Variants in KALRN observed in about 807,000 individuals in gnomAD.
KALRN encodes kalirin.
A neutral mutation model predicts 353.7 loss-of-function variants in KALRN; 70 were observed. That is an observed-to-expected ratio of 0.20 (90% CI 0.16 to 0.24). KALRN has a LOEUF of 0.24. Among genes scored for constraint, KALRN ranks in the 10% least tolerant of loss-of-function variants. The probability of loss-of-function intolerance (pLI) is 1.00; values close to 1 mark genes in which losing one functional copy is unlikely to be tolerated. For missense variants in KALRN, 2,791 were observed against 3,756.7 expected (o/e 0.74, Z 6.72); for synonymous variants, 1,391 against 1,434.8 (o/e 0.97, Z 0.69).
chr3:124,495,787 G>A (rs1354990716), intron 32 of KALRN, among the ~76,000 whole-genome samples: 1 of 143,376 alleles, frequency 7.0e-6, no homozygotes, highest in Admixed American at 7.0e-5. Flanking sequence ...TTTCTTTATA[G>A]GCCAGCTGTA....
chr3:124,568,764 C>G (rs1055995866), intron 34 of KALRN, among the ~76,000 whole-genome samples: 7 of 152,124 alleles, frequency 4.6e-5, no homozygotes, highest in African/African-American at 1.7e-4. Context: ...CTATATGATT[C>G]CATTTAAATG....
chr3:124,073,730 C>T (rs1383607966), intron 1 of KALRN, among the ~76,000 whole-genome samples: 1 of 152,170 alleles, frequency 6.6e-6, no homozygotes, highest in African/African-American at 2.4e-5. Flanking sequence ...TAGATAAACA[C>T]TATTTTACCT....
At chr3:124,242,172 A>G (rs947297489) in intron 3 of KALRN, among the ~76,000 whole-genome samples, 1 of 152,234 alleles carries the variant, frequency 6.6e-6, no homozygotes, top group Non-Finnish European at 1.5e-5. Context: ...GAAATGGAAG[A>G]GAAGGCTAGG....
intron 1 of KALRN, among the ~76,000 whole-genome samples, chr3:124,154,934 C>G (rs2068750982): frequency 6.6e-6 from 1 of 152,114 alleles, no homozygotes; most frequent in African/African-American, 2.4e-5. Flanking sequence ...TGGAACAGAA[C>G]AGACGTCAGA....
intron 15 of KALRN, among the ~76,000 whole-genome samples, chr3:124,428,743 G>T (rs1393469926): frequency 6.6e-6 from 1 of 152,178 alleles, no homozygotes; most frequent in East Asian, 1.9e-4. Context: ...TTAAAAAGTA[G>T]GTACTGAAAC....
chr3:124,363,296 T>C (rs1213380402), intron 10 of KALRN, among the ~76,000 whole-genome samples: 1 of 151,870 alleles, frequency 6.6e-6, no homozygotes, highest in Non-Finnish European at 1.5e-5. Context: ...AAAATGGGAG[T>C]TGCAGATTCT....
At chr3:124,695,367 G>A (rs1327330923) in intron 53 of KALRN, among the ~76,000 whole-genome samples, 1 of 152,174 alleles carries the variant, frequency 6.6e-6, no homozygotes, top group African/African-American at 2.4e-5. Flanking sequence ...TTCATTCATT[G>A]ACTTAATTTG....
At chr3:124,361,370 T>G (rs1338749192) in intron 10 of KALRN, among the ~76,000 whole-genome samples, 1 of 152,262 alleles carries the variant, frequency 6.6e-6, no homozygotes, top group Non-Finnish European at 1.5e-5. Context: ...TAACAGTTGC[T>G]AATACTTTCT....
intron 16 of KALRN, among the ~76,000 whole-genome samples, chr3:124,433,936 A>G (rs1418489263): frequency 6.6e-6 from 1 of 152,138 alleles, no homozygotes; most frequent in African/African-American, 2.4e-5. Flanking sequence ...TCCTTCGAAA[A>G]CTCAATGTAC....
intron 3 of KALRN, among the ~76,000 whole-genome samples, chr3:124,246,480 G>GTGTT (rs2148703079): frequency 6.6e-6 from 1 of 152,236 alleles, no homozygotes; most frequent in East Asian, 1.9e-4. Context: ...TGCCCTTGGT[G>GTGTT]ATTCTTTAGT....
intron 1 of KALRN, among the ~76,000 whole-genome samples, chr3:124,051,402 C>A (rs1344592509): frequency 1.3e-5 from 2 of 152,218 alleles, no homozygotes; most frequent in Non-Finnish European, 2.9e-5. Flanking sequence ...TTCCAAGTCT[C>A]TTCAACTTTC....
chr3:124,122,969 G>A (rs1291124370), intron 1 of KALRN, among the ~76,000 whole-genome samples: 4 of 152,198 alleles, frequency 2.6e-5, no homozygotes, highest in Non-Finnish European at 2.9e-5. Context: ...TTGGGAGGCC[G>A]AGGTGAGTGG....
In KALRN at chr3:124,490,990, C is replaced by T. The variant is rs2063098409; in HGVS notation, c.4587+106C>T. 9 of 974,188 alleles carry T rather than the reference C, an allele frequency of 9.2e-6. No individual in the cohort carries two copies. In the South Asian group the frequency reaches 1.5e-4, roughly 16 times the overall value. 60.3% of individuals were successfully genotyped at this position (974,188 alleles called of 1,614,324 possible). On this transcript the variant is annotated intron_variant, in intron 30 of 59. Transcript: ENST00000682506. The stretch of plus-strand genomic sequence containing the variant: ...CTCATCTCCTCCCCGGCCTCCACAC[C>T]AAAACCATCCTGGACAAATGAAAAT...
At chr3:124,044,342 T>C (rs1476485465) in intron 1 of KALRN, among the ~76,000 whole-genome samples, 1 of 152,154 alleles carries the variant, frequency 6.6e-6, no homozygotes, top group African/African-American at 2.4e-5. Context: ...AGGTGGGAGT[T>C]TCCTAAAGTG....
chr3:124,234,830 G>C lies in KALRN; in HGVS notation c.150G>C (p.Gly50=), dbSNP rs1183217309. The C allele has an allele frequency of 6.3e-7, 1 of 1,593,440 alleles. No homozygotes were observed. The highest frequency in any genetic ancestry group is 8.6e-7 in the Non-Finnish European group (1 of 1,168,358). ...CTCTTCTCTTCCTCCTTCTTGCAGG[G>C]GGTCGTGATAAGCGAGGCGGACCCA... ...ILKEKVAFVS[G]GRDKRGGPIL... is the part of the protein sequence containing the mutation. The change falls in exon 3 of 60, where the codon GGG becomes GGC. Residue 50 remains glycine, a splice_region_variant and synonymous_variant. Transcript: ENST00000682506.
chr3:124,384,837 G>C lies in KALRN; in HGVS notation c.1771-8G>C. 1.3e-6 allele frequency: 2 copies of C among 1,573,056 alleles called. No individual in the cohort carries two copies. The highest frequency in any genetic ancestry group is 1.7e-6 in the Non-Finnish European group (2 of 1,153,566). On this transcript the variant is annotated splice_region_variant and splice_polypyrimidine_tract_variant and intron_variant, in intron 10 of 59. Coordinates refer to ENST00000682506, the MANE Select transcript of KALRN (RefSeq NM_001388419.1). ...AACTTGACTTTGCCTCACTGTTGTTGCTGGCAGAATACGTACACCAATGCG... is the reference window on the plus strand; with the variant it reads ...AACTTGACTTTGCCTCACTGTTGTTCCTGGCAGAATACGTACACCAATGCG...
chr3:124,038,758 T>C (rs2039658991), intron 1 of KALRN, among the ~76,000 whole-genome samples: 1 of 152,208 alleles, frequency 6.6e-6, no homozygotes, highest in African/African-American at 2.4e-5. Flanking sequence ...CTCAACTCTG[T>C]ATATCTTTCC....
chr3:124,045,106 G>T (rs2040359722), intron 1 of KALRN, among the ~76,000 whole-genome samples: 1 of 152,080 alleles, frequency 6.6e-6, no homozygotes, highest in Admixed American at 6.5e-5. Flanking sequence ...ACAATATTGA[G>T]TTGGCAGCTG....
At chr3:124,085,536 G>C (rs2060768733) in intron 1 of KALRN, among the ~76,000 whole-genome samples, 1 of 152,206 alleles carries the variant, frequency 6.6e-6, no homozygotes, top group African/African-American at 2.4e-5. Flanking sequence ...CCAGCCACTT[G>C]AACAGGTGGA....
Sources: allele counts gnomAD v4.1 joint callset (sites outside exome capture counted in the v4.1 genomes callset), GRCh38; gene constraint gnomAD v4.1.1; transcripts MANE v1.5; gene names NCBI Gene and HGNC (gene_info 2026-07-23, HGNC 2026-07-21).